The following ZNF804B variants were observed in gnomAD, a reference collection of about 807,000 sequenced individuals.
ZNF804B encodes zinc finger protein 804B, also known as zinc finger 804B.
In ZNF804B, 80 loss-of-function variants were observed where a neutral mutation model predicts 101.4. That is an observed-to-expected ratio of 0.79 (90% CI 0.66 to 0.95). The LOEUF (loss-of-function observed/expected upper bound fraction) is 0.95. ZNF804B is among the 40% of genes least tolerant of loss of function. The pLI, the probability that ZNF804B is intolerant of heterozygous loss-of-function variation, is 0.00. For synonymous variants in ZNF804B, 622 were observed against 558.8 expected, an observed-to-expected ratio of 1.11 and a Z score of -1.59; for missense variants, 1,673 against 1,561.9, an observed-to-expected ratio of 1.07 and a Z score of -1.20.
At chr7:88,948,306 A>ATTTTTTTTTTTTTTTTTTTTTTTT (rs68069374) in intron 1 of ZNF804B, among the ~76,000 whole-genome samples, 1 of 92,702 alleles carries the variant, frequency 1.1e-5, no homozygotes, top group Non-Finnish European at 2.0e-5. Flanking sequence ...CCACCCATCC[A>ATTTTTTTTTTTTTTTTTTTTTTTT]TTTTTTTTTT....
At chr7:89,304,527 GTA>G (rs909813258) in intron 2 of ZNF804B, among the ~76,000 whole-genome samples, 21 of 138,298 alleles carry the variant, frequency 1.5e-4, no homozygotes, top group African/African-American at 5.1e-4. Context: ...GTATGTGTGT[GTA>G]TGTGTGTGTG....
chr7:89,149,744 A>C (rs1174731385), intron 1 of ZNF804B, among the ~76,000 whole-genome samples: 1 of 151,836 alleles, frequency 6.6e-6, no homozygotes, highest in Non-Finnish European at 1.5e-5. Flanking sequence ...TGACCCAATG[A>C]AGCAAATGGT....
chr7:89,272,883 C>T (rs898204444), intron 2 of ZNF804B, among the ~76,000 whole-genome samples: 5 of 152,032 alleles, frequency 3.3e-5, no homozygotes. Flanking sequence ...TCTACCTATT[C>T]CCCAGCTTTG....
chr7:89,247,580 A>G (rs1329356254), intron 2 of ZNF804B, among the ~76,000 whole-genome samples: 1 of 152,138 alleles, frequency 6.6e-6, no homozygotes, highest in Non-Finnish European at 1.5e-5. Context: ...TAATAATAAT[A>G]TTACAGAGAA....
intron 1 of ZNF804B, among the ~76,000 whole-genome samples, chr7:88,781,329 G>C (rs116992084): frequency 3.9e-5 from 6 of 152,160 alleles, no homozygotes; most frequent in African/African-American, 9.7e-5. Context: ...AGGATATTAA[G>C]AGCAGCAGCA....
chr7:88,972,873 C>A (rs776407794), intron 1 of ZNF804B, among the ~76,000 whole-genome samples: 2 of 151,330 alleles, frequency 1.3e-5, no homozygotes, highest in East Asian at 2.0e-4. Flanking sequence ...GTACATATAG[C>A]GTTATGAGTG....
intron 2 of ZNF804B, among the ~76,000 whole-genome samples, chr7:89,255,868 G>C (rs987904594): frequency 5.9e-5 from 9 of 152,042 alleles, no homozygotes; most frequent in African/African-American, 2.2e-4. Flanking sequence ...ATTCATAAAA[G>C]TGAGTAAAAG....
chr7:89,200,799 T>G (rs1252533260), intron 1 of ZNF804B, among the ~76,000 whole-genome samples: 1 of 152,050 alleles, frequency 6.6e-6, no homozygotes, highest in Non-Finnish European at 1.5e-5. Flanking sequence ...CTTTCCTCCA[T>G]TCATTTTCTT....
intron 1 of ZNF804B, among the ~76,000 whole-genome samples, chr7:88,933,798 G>A (rs1792925840): frequency 6.6e-6 from 1 of 151,886 alleles, no homozygotes; most frequent in African/African-American, 2.4e-5. Flanking sequence ...CCATTCTCAT[G>A]GATGAGTAGA....
At chr7:89,053,441 A>T (rs940479366) in intron 1 of ZNF804B, among the ~76,000 whole-genome samples, 4 of 152,050 alleles carry the variant, frequency 2.6e-5, no homozygotes, top group African/African-American at 9.7e-5. Context: ...ACTTGTGTGA[A>T]TTTTTTCTTG....
chr7:89,152,589 G>A (rs183372263), intron 1 of ZNF804B, among the ~76,000 whole-genome samples: 1 of 151,974 alleles, frequency 6.6e-6, no homozygotes, highest in Non-Finnish European at 1.5e-5. Flanking sequence ...TTCAGTTTTA[G>A]GTGATTCAAA....
chr7:89,045,357 A>G (rs1302917640), intron 1 of ZNF804B, among the ~76,000 whole-genome samples: 1 of 152,222 alleles, frequency 6.6e-6, no homozygotes, highest in Admixed American at 6.5e-5. Flanking sequence ...GATCCCACAC[A>G]GGGTCCCCAC....
chr7:88,976,067 A>T (rs2116122180), intron 1 of ZNF804B, among the ~76,000 whole-genome samples: 1 of 151,790 alleles, frequency 6.6e-6, no homozygotes, highest in African/African-American at 2.4e-5. Flanking sequence ...TTTGTTGAAA[A>T]TGAGTTCACT....
chr7:89,171,288 G>GCTGCTGCTGCTGCTGCTGCTTCTTCTT (rs1215246589), intron 1 of ZNF804B, among the ~76,000 whole-genome samples: 3 of 82,550 alleles, frequency 3.6e-5, no homozygotes, highest in South Asian at 4.9e-4. Context: ...TGCTGCTGCT[G>GCTGCTGCTGCTGCTGCTGCTTCTTCTT]CTTCTTCTTC....
intron 1 of ZNF804B, among the ~76,000 whole-genome samples, chr7:88,902,046 T>G (rs1444409498): frequency 6.6e-6 from 1 of 151,932 alleles, no homozygotes; most frequent in African/African-American, 2.4e-5. Context: ...TATTCTAACT[T>G]TAGTCATAAT....
intron 1 of ZNF804B, among the ~76,000 whole-genome samples, chr7:89,184,171 CT>C (rs1371950982): frequency 2.6e-5 from 4 of 152,256 alleles, no homozygotes; most frequent in African/African-American, 7.2e-5. Flanking sequence ...TTGTGGAGTA[CT>C]ATGGACAAAC....
intron 1 of ZNF804B, among the ~76,000 whole-genome samples, chr7:88,855,572 G>A (rs1475493185): frequency 8.5e-5 from 13 of 152,090 alleles, no homozygotes; most frequent in African/African-American, 2.9e-4. Context: ...CACTCTGATG[G>A]TAGTTTCTTT....
chr7:88,955,768 A>C (rs561470492), intron 1 of ZNF804B, among the ~76,000 whole-genome samples: 2 of 151,772 alleles, frequency 1.3e-5, no homozygotes, highest in African/African-American at 2.4e-5. Context: ...TTAAACTAAA[A>C]GGCCTTCTGC....
At chr7:88,785,457 T>C (rs931141998) in intron 1 of ZNF804B, among the ~76,000 whole-genome samples, 11 of 152,170 alleles carry the variant, frequency 7.2e-5, no homozygotes, top group African/African-American at 2.7e-4. Flanking sequence ...CTATACAGTC[T>C]CGTTACCTAG....
Sources: allele counts gnomAD v4.1 joint callset (sites outside exome capture counted in the v4.1 genomes callset), GRCh38; gene constraint gnomAD v4.1.1; transcripts MANE v1.5; gene names NCBI Gene and HGNC (gene_info 2026-07-23, HGNC 2026-07-21).